AP1B1: variants seen among roughly 807,000 people sequenced by gnomAD.
The protein encoded by AP1B1 is AP-1 complex subunit beta-1.
Under a neutral mutation model 104.3 loss-of-function variants are expected in AP1B1, and 36 were observed. The ratio of observed to expected loss-of-function variants is 0.35; its 90% CI spans 0.26 to 0.46. The LOEUF (loss-of-function observed/expected upper bound fraction) is 0.46. Among genes scored for constraint, AP1B1 ranks in the 20% least tolerant of loss-of-function variants. AP1B1 has a pLI of 1.00. For missense variants in AP1B1, 901 were observed against 1,247.9 expected (o/e 0.72, Z 4.19); for synonymous variants, 504 against 517.5 (o/e 0.97, Z 0.35).
chr22:29,350,031 G>C lies in AP1B1; in HGVS notation c.1271+4C>G, dbSNP rs373114276. The C allele has an allele frequency of 1.6e-5, 25 of 1,612,222 alleles. No homozygotes were observed. In the Admixed American group the frequency reaches 3.7e-4, roughly 24 times the overall value. On this transcript the variant is annotated splice_donor_region_variant and intron_variant, in intron 10 of 22. Transcript: ENST00000357586. ...GCCCTCTCCCTAGGAGGGCGGGCAC[G>C]CACTTGTTGGGGTACTTGCGGAAGA...
At chr22:29,368,750 T>G (rs1211873710) in intron 1 of AP1B1, among the ~76,000 whole-genome samples, 1 of 145,406 alleles carries the variant, frequency 6.9e-6, no homozygotes, top group Admixed American at 6.8e-5. Flanking sequence ...GGCTAAAGGA[T>G]TCAGTCAAAA....
intron 16 of AP1B1, among the ~76,000 whole-genome samples, chr22:29,335,928 G>A (rs1328115628): frequency 1.3e-5 from 2 of 152,200 alleles, no homozygotes; most frequent in Admixed American, 1.3e-4. Flanking sequence ...TGACCGGGGG[G>A]CATGGCTCTC....
intron 1 of AP1B1, among the ~76,000 whole-genome samples, chr22:29,383,381 TG>T (rs1189098155): frequency 3.3e-5 from 5 of 152,156 alleles, no homozygotes; most frequent in Non-Finnish European, 7.3e-5. Flanking sequence ...GCTACTGAAA[TG>T]CCAAAAATGA....
intron 2 of AP1B1, among the ~76,000 whole-genome samples, chr22:29,363,764 G>A (rs1176363303): frequency 6.6e-6 from 1 of 152,136 alleles, no homozygotes; most frequent in Non-Finnish European, 1.5e-5. Context: ...GGGTGTGGTG[G>A]CATGTGCCTG....
rs369462303 is a variant in AP1B1, at chr22:29,345,372, G to GT, written c.1438-2990dup. 6.0e-3 allele frequency among the ~76,000 whole-genome samples: 845 copies of GT among 141,828 alleles called. 27 individuals are homozygous for GT. The highest frequency in any genetic ancestry group is 0.021 in the African/African-American group (797 of 37,430). 93.0% of individuals were successfully genotyped at this position (141,828 alleles called of 152,430 possible). On this transcript the variant is annotated intron_variant, in intron 11 of 22. Coordinates refer to ENST00000357586, the MANE Select transcript of AP1B1 (RefSeq NM_001127.4). ...GCACCCAGTTAACAAGTTTTGTTTT[G>GT]TTTTTTTTCTTTTTTCTGAGATGGA...
chr22:29,350,173 G>T, intron 9 of AP1B1, 23 bp from the exon 10 acceptor site: 1 of 1,601,132 alleles, frequency 6.2e-7, no homozygotes. Context: ...AGAAGAGTGT[G>T]GGCGAGGTCC....
chr22:29,368,034 A>G (rs1025261464), intron 1 of AP1B1, among the ~76,000 whole-genome samples: 12 of 152,204 alleles, frequency 7.9e-5, no homozygotes, highest in African/African-American at 2.9e-4. Context: ...ACCACAGCTC[A>G]TGCCTGTAAT....
At chr22:29,341,153 A>G (rs918435278) in intron 13 of AP1B1, among the ~76,000 whole-genome samples, 1 of 152,222 alleles carries the variant, frequency 6.6e-6, no homozygotes, top group Non-Finnish European at 1.5e-5. Flanking sequence ...GGCCACACCA[A>G]CCACCTGGGA....
At chr22:29,337,606 T>G (rs773526415) in intron 16 of AP1B1, among the ~76,000 whole-genome samples, 32 of 152,302 alleles carry the variant, frequency 2.1e-4, no homozygotes, top group South Asian at 8.3e-4. Flanking sequence ...CAACTTCTGA[T>G]CTGAGTGTGA....
chr22:29,338,959 C>T (rs1225835042), intron 16 of AP1B1, 31 bp downstream of exon 16: 3 of 1,613,198 alleles, frequency 1.9e-6, no homozygotes, highest in Non-Finnish European at 2.5e-6. Context: ...CTTCTCTCTG[C>T]TCCCGCCAAG....
chr22:29,367,462 C>T lies in AP1B1; in HGVS notation c.-27-192G>A, dbSNP rs4034938. ...AAGTAATTCTGAGGAATCTATCAAC[C>T]TTTTTTTTTTTTTTTTCTTCAGAGA... On this transcript the variant is annotated intron_variant, in intron 1 of 22. Coordinates refer to ENST00000357586, the MANE Select transcript of AP1B1 (RefSeq NM_001127.4). Among the ~76,000 whole-genome samples, 52,610 of 140,802 alleles carry T rather than the reference C, an allele frequency of 0.37. 10,071 individuals are homozygous for T. The highest frequency in any genetic ancestry group is 0.67 in the East Asian group (3,294 of 4,908). 92.4% of individuals were successfully genotyped at this position (140,802 alleles called of 152,430 possible). A position where few individuals can be genotyped will look rare whatever the true frequency, so the allele number is the denominator to read the frequency against.
At chr22:29,335,327 C>T (rs373730307) in intron 16 of AP1B1, among the ~76,000 whole-genome samples, 1 of 152,164 alleles carries the variant, frequency 6.6e-6, no homozygotes, top group African/African-American at 2.4e-5. Flanking sequence ...CGACAGCTTC[C>T]GCAGCGCACT....
chr22:29,330,706 C>T lies in AP1B1; in HGVS notation c.2528G>A (p.Arg843Gln), dbSNP rs1273208557. 9 of 1,611,872 alleles carry T rather than the reference C, an allele frequency of 5.6e-6. No individual in the cohort carries two copies. Among genetic ancestry groups the T allele is most frequent in the Admixed American group, 3.3e-5 (2 of 59,918 alleles). Residue 843 changes from arginine to glutamine, a missense_variant, in exon 20 of 23, where the codon CGG becomes CAG. Physicochemically the swap from Arg to Gln is conservative, Grantham distance 43. Around this residue, in one of 3 missense-constraint regions of AP1B1, gnomAD observed 424 missense variants for 494.0 expected, o/e 0.86. Transcript: ENST00000357586. ...CTTCCATGTGGCCAGGAACATCTGC[C>T]GGTCTGCGGGGTGAGCAGGGTGGGG... ...ILFVEDGKMD[R>Q]QMFLATWKDI...
At chr22:29,370,699 C>T (rs1037403833) in intron 1 of AP1B1, 1 of 151,852 alleles carries the variant, frequency 6.6e-6, no homozygotes, top group African/African-American at 2.4e-5. Flanking sequence ...GGTGAGAAAG[C>T]CTTTCTTTCT....
chr22:29,362,750 A>T (rs985765689), intron 3 of AP1B1, among the ~76,000 whole-genome samples: 4 of 151,882 alleles, frequency 2.6e-5, no homozygotes, highest in African/African-American at 9.7e-5. Context: ...TGCCACACCC[A>T]CTCCATTGCC....
intron 2 of AP1B1, among the ~76,000 whole-genome samples, chr22:29,365,131 C>T (rs1437447813): frequency 2.0e-5 from 3 of 152,192 alleles, no homozygotes; most frequent in South Asian, 2.1e-4. Flanking sequence ...GGCTCAGTAA[C>T]GTATAGCCAA....
At position 29,334,309 on chromosome 22, in the gene AP1B1, G is replaced by T. The variant is rs752030827; in HGVS notation, c.2265C>A (p.Ala755=). 4 of 1,609,636 alleles carry T rather than the reference G, an allele frequency of 2.5e-6. No homozygotes were observed. Among genetic ancestry groups the T allele is most frequent in the African/African-American group, 1.3e-5 (1 of 74,636 alleles). ...TGGCAAAGTCGGTCATGACCTGCAA[G>T]GCCTTGTTGGTCAGCTGCAGGTCCA... ...ISMDLQLTNK[A]LQVMTDFAIQ... Residue 755 remains alanine, a synonymous_variant, in exon 17 of 23, where the codon GCC becomes GCA. Coordinates refer to ENST00000357586, the MANE Select transcript of AP1B1 (RefSeq NM_001127.4).
At chr22:29,358,634 T>C in intron 5 of AP1B1, 92 bp downstream of exon 5, 1 of 1,501,374 alleles carries the variant, frequency 6.7e-7, no homozygotes, top group Non-Finnish European at 9.0e-7. Flanking sequence ...GACTTCTAGG[T>C]ACTCAGGACT....
intron 1 of AP1B1, among the ~76,000 whole-genome samples, chr22:29,370,086 A>C (rs1371689458): frequency 6.6e-6 from 1 of 152,070 alleles, no homozygotes; most frequent in Non-Finnish European, 1.5e-5. Flanking sequence ...TGAAGACAAA[A>C]GGGGCTAAAA....
Sources: gnomAD v4.1 joint callset for allele counts (sites outside exome capture counted in the v4.1 genomes callset) on GRCh38, gnomAD v4.1.1 for gene constraint, gnomAD v4.1.1 regional missense constraint, MANE v1.5 for transcripts, NCBI Gene and HGNC (gene_info 2026-07-23, HGNC 2026-07-21) for gene names.